NEB: variants seen among roughly 807,000 people sequenced by gnomAD.
NEB encodes nemaline myopathy type 2.
NEB carries 512 observed loss-of-function variants against 952.2 expected under a neutral mutation model. The observed-to-expected ratio is 0.54, with a 90% CI of 0.50 to 0.58. The LOEUF (loss-of-function observed/expected upper bound fraction) is 0.58, where lower values mean the gene tolerates loss of function less well. Ranked by LOEUF, NEB falls within the 20% of genes least tolerant of loss-of-function variation. The pLI is 0.00. For missense variants in NEB, 8,428 were observed against 9,231.1 expected, an observed-to-expected ratio of 0.91 and a Z score of 3.56; for synonymous variants, 2,900 against 3,149.8, an observed-to-expected ratio of 0.92 and a Z score of 2.66.
rs370825760 is a variant in NEB at position 151,506,220 on chromosome 2, G to A, written c.23595C>T (p.Ile7865=). The A allele has an allele frequency of 1.4e-5, 22 of 1,613,502 alleles. No homozygotes were observed. The East Asian group carries it at 2.2e-4, about 16-fold the overall frequency. The part of the protein sequence containing the change: ...YKEDVSPGTA[I]GKTPEMMRVK... ...CTCTCATCATCTCAGGTGTCTTTCC[G>A]ATAGCCGTTCCTGGTGAGACATCCT... Residue 7865 remains isoleucine, a synonymous_variant, in exon 164 of 182, where the codon ATC becomes ATT. Transcript: ENST00000397345.
chr2:151,684,405 T>C (rs1325668730), intron 28 of NEB, among the ~76,000 whole-genome samples: 1 of 152,180 alleles, frequency 6.6e-6, no homozygotes, highest in African/African-American at 2.4e-5. Flanking sequence ...ATGAATGTGA[T>C]GATTATGATA....
At chr2:151,626,599 C>T (rs992772701) in intron 70 of NEB, among the ~76,000 whole-genome samples, 2 of 151,752 alleles carry the variant, frequency 1.3e-5, no homozygotes, top group African/African-American at 2.4e-5. Flanking sequence ...TGCAGTGGCG[C>T]GATCTCAGCT....
chr2:151,577,846 T>A (rs555516873), intron 105 of NEB, among the ~76,000 whole-genome samples: 2 of 152,216 alleles, frequency 1.3e-5, no homozygotes, highest in Non-Finnish European at 2.9e-5. Context: ...CCCAAAGTGC[T>A]GAGATTACAG....
chr2:151,497,699 A>G lies in NEB; in HGVS notation c.24227T>C (p.Met8076Thr), dbSNP rs1052278862. 1 of 1,579,862 alleles carries G rather than the reference A, an allele frequency of 6.3e-7. No individual in the cohort carries two copies. Among genetic ancestry groups the G allele is most frequent in the Non-Finnish European group, 8.6e-7 (1 of 1,160,508 alleles). Reference sequence around the variant, plus strand: ...GACAGGTAAAGGGGTTCCCTTGCCCATGTTTTCTTTGTATAACACCTGTGC... The same window carrying G: ...GACAGGTAAAGGGGTTCCCTTGCCCGTGTTTTCTTTGTATAACACCTGTGC... ...NLSSVLYKEN[M>T]GKGTPLPVTP... Residue 8076 changes from methionine to threonine, a missense_variant, in exon 171 of 182, where the codon ATG becomes ACG. Met to Thr is a moderately conservative substitution (Grantham distance 81, BLOSUM62 -1). Around this residue, in one of 11 missense-constraint regions of NEB, gnomAD observed 3,374 missense variants for 3,651.5 expected, o/e 0.92. Coordinates refer to ENST00000397345, the MANE Select transcript of NEB (RefSeq NM_001164508.2).
chr2:151,692,354 G>C lies in NEB; in HGVS notation c.1905C>G (p.Tyr635Ter). 2 of 1,601,278 alleles carry C rather than the reference G, an allele frequency of 1.2e-6. No individual in the cohort carries two copies. ...KVAKNQSDRL[Y>*]KENYEKTKAK... Reference sequence around the variant, plus strand: ...CCTTTGTCTTCTCATAGTTTTCCTTGTATAATCTCTGTTAAAGGAAAAATA... The same window carrying C: ...CCTTTGTCTTCTCATAGTTTTCCTTCTATAATCTCTGTTAAAGGAAAAATA... Residue 635 changes from tyrosine (Y) to a stop codon, truncating the protein, a stop_gained, in exon 21 of 182, where the codon TAC (tyrosine) becomes TAG (stop). Transcript: ENST00000397345. LOFTEE classifies it high-confidence loss of function.
chr2:151,487,209 G>A (rs563433708), intron 181 of NEB, among the ~76,000 whole-genome samples: 2 of 152,268 alleles, frequency 1.3e-5, no homozygotes, highest in East Asian at 3.9e-4. Context: ...TTCACTCTGG[G>A]AATTTGGGAG....
chr2:151,626,405 C>T (rs2098525717), intron 70 of NEB, among the ~76,000 whole-genome samples: 2 of 152,260 alleles, frequency 1.3e-5, no homozygotes, highest in South Asian at 4.1e-4. Context: ...TGTGAGACAC[C>T]ATGCCCGGCT....
chr2:151,727,720 T>C lies in NEB; in HGVS notation c.265A>G (p.Ser89Gly), dbSNP rs1209969443. 4.3e-6 allele frequency: 7 copies of C among 1,613,472 alleles called. No homozygotes were observed. Among genetic ancestry groups the C allele is most frequent in the Non-Finnish European group, 5.9e-6 (7 of 1,179,564 alleles). ...CTAAAAAGATCCTGCATTTTCTGAC[T>C]GTGTGCAATGTAGGGGGTCATGAAC... ...SKFMTPYIAH[S>G]QKMQDLFSPN... The change falls in exon 5 of 182, where the codon AGT (serine) becomes GGT (glycine). Residue 89 changes from serine (S) to glycine (G), a missense_variant. Physicochemically the swap from Ser to Gly is moderately conservative, Grantham distance 56. Transcript: ENST00000397345.
Position 151,731,285 on chromosome 2 carries a change from C to CA in NEB, c.37-1630_37-1629insT, listed in dbSNP as rs1553706726. Among the ~76,000 whole-genome samples the CA allele has an allele frequency of 5.3e-5, 8 of 152,222 alleles. No homozygotes were observed. In the East Asian group the frequency reaches 1.5e-3, roughly 29 times the overall value. On this transcript the variant is annotated intron_variant, in intron 3 of 181. Transcript: ENST00000397345. ...ATTAACTTGTATGCCAAATCTCACTCTTTTTTTAGAGCTGTGCCACTAATT... is the reference window on the plus strand; with the variant it reads ...ATTAACTTGTATGCCAAATCTCACTCATTTTTTTAGAGCTGTGCCACTAATT...
Position 151,639,333 on chromosome 2 carries a change from G to A in NEB, c.8941C>T (p.Pro2981Ser). The A allele has an allele frequency of 6.5e-7, 1 of 1,545,846 alleles. No homozygotes were observed. The highest frequency in any genetic ancestry group is 8.7e-7 in the Non-Finnish European group (1 of 1,147,906). Residue 2981 changes from proline to serine, a missense_variant, in exon 63 of 182, where the codon CCA becomes TCA. Physicochemically the swap from Pro to Ser is moderately conservative, Grantham distance 74. Transcript: ENST00000397345. The part of the protein sequence containing the change: ...DKDKTQIHIM[P>S]DTPEIMLARM... Reference sequence around the variant, plus strand: ...GCCAACATAATTTCTGGTGTGTCTGGCATTATGTGGATCTGAGTCTTGTCT... The same window carrying A: ...GCCAACATAATTTCTGGTGTGTCTGACATTATGTGGATCTGAGTCTTGTCT...
rs2057361729 is a variant in NEB at position 151,492,500 on chromosome 2, G to A, written c.24766-6C>T. ...AAACTATCAGAATAAAGAACCTGAT[G>A]CAGGAGAGACCGTGAATGAGTGGTG... On this transcript the variant is annotated splice_polypyrimidine_tract_variant and splice_region_variant and intron_variant, in intron 176 of 181. Transcript: ENST00000397345. The A allele has an allele frequency of 6.3e-7, 1 of 1,597,452 alleles. No homozygotes were observed. The highest frequency in any genetic ancestry group is 8.6e-7 in the Non-Finnish European group (1 of 1,165,800).
chr2:151,604,151 G>A (rs1372800332), intron 85 of NEB, among the ~76,000 whole-genome samples: 5 of 119,650 alleles, frequency 4.2e-5, no homozygotes, highest in African/African-American at 1.2e-4. Flanking sequence ...AGATGTATGC[G>A]TAATGAGAAA....
chr2:151,647,422 AT>A (rs1158883701), intron 54 of NEB, among the ~76,000 whole-genome samples: 1 of 152,146 alleles, frequency 6.6e-6, no homozygotes, highest in Non-Finnish European at 1.5e-5. Flanking sequence ...AACTAGGAAA[AT>A]TTGATTAAAA....
intron 169 of NEB, 56 bp from the exon 170 acceptor site, chr2:151,498,408 C>T (rs2061815425): frequency 7.6e-7 from 1 of 1,323,646 alleles, no homozygotes; most frequent in Admixed American, 2.1e-5. Context: ...TCATTTTCCC[C>T]CTGCTTTGGA....
chr2:151,551,383 T>G (rs950062175), intron 129 of NEB, among the ~76,000 whole-genome samples: 9 of 152,228 alleles, frequency 5.9e-5, no homozygotes, highest in Non-Finnish European at 1.2e-4. Flanking sequence ...TCCAGGTTCT[T>G]TCTCTTCTGA....
intron 12 of NEB, among the ~76,000 whole-genome samples, chr2:151,709,335 T>G (rs763714609): frequency 1.1e-4 from 16 of 152,146 alleles, no homozygotes; most frequent in Non-Finnish European, 1.9e-4. Flanking sequence ...AGACACTAAA[T>G]CAAATTGATA....
chr2:151,488,585 G>A (rs951154055), intron 181 of NEB, among the ~76,000 whole-genome samples: 1 of 152,058 alleles, frequency 6.6e-6, no homozygotes, highest in Non-Finnish European at 1.5e-5. Context: ...AGTCGAGACT[G>A]CAGCGAGCTG....
chr2:151,687,527 C>T lies in NEB; in HGVS notation c.2529G>A (p.Met843Ile), dbSNP rs1488992428. The change falls in exon 27 of 182, where the codon ATG (methionine) becomes ATA (isoleucine). Residue 843 changes from methionine (M) to isoleucine (I), a missense_variant. Around this residue, in one of 11 missense-constraint regions of NEB, gnomAD observed 2,851 missense variants for 2,791.5 expected, o/e 1.02. Transcript: ENST00000397345. ...TGCTCTTTTCATAGTCTTTCTTGTA[C>T]ATCACCTGCAAAGACATCACACATG... ...KANTKNTSDV[M>I]YKKDYEKSKG... 24 of 1,613,398 alleles carry T rather than the reference C, an allele frequency of 1.5e-5. No individual in the cohort carries two copies. Among genetic ancestry groups the T allele is most frequent in the Non-Finnish European group, 2.0e-5 (23 of 1,179,380 alleles).
intron 127 of NEB, 99 bp downstream of exon 127, chr2:151,553,299 G>T (rs2095444406): frequency 1.2e-5 from 12 of 978,180 alleles, no homozygotes; most frequent in African/African-American, 1.6e-5. Flanking sequence ...ACCCCCCAGA[G>T]CTGGCCTGTG....
Sources: gnomAD v4.1 joint callset for allele counts (sites outside exome capture counted in the v4.1 genomes callset) on GRCh38, gnomAD v4.1.1 for gene constraint, gnomAD v4.1.1 regional missense constraint, MANE v1.5 for transcripts, NCBI Gene and HGNC (gene_info 2026-07-23, HGNC 2026-07-21) for gene names.